SESTD1: variants seen among roughly 807,000 people sequenced by gnomAD.
SESTD1 encodes the protein SEC14 and spectrin domain containing 1.
Under a neutral mutation model 101.7 loss-of-function variants are expected in SESTD1, and 43 were observed. The observed-to-expected ratio is 0.42, with a 90% confidence interval of 0.33 to 0.55. SESTD1 has a LOEUF of 0.55. SESTD1 is among the 20% of genes least tolerant of loss of function. The pLI is 0.07. For synonymous variants in SESTD1, 283 were observed against 286.8 expected, an observed-to-expected ratio of 0.99 and a Z score of 0.13; for missense variants, 647 against 815.1, an observed-to-expected ratio of 0.79 and a Z score of 2.51.
At chr2:179,129,075 C>T (rs1233507953) in intron 10 of SESTD1, among the ~76,000 whole-genome samples, 3 of 152,100 alleles carry the variant, frequency 2.0e-5, no homozygotes, top group South Asian at 2.1e-4. Context: ...AGTGCCAACT[C>T]GGGTTAAAAA....
In SESTD1 at chr2:179,124,665, T is replaced by C. The variant is rs878926146; in HGVS notation, c.973-107A>G. On this transcript the variant is annotated intron_variant, in intron 10 of 17. Transcript: ENST00000428443. ...ACTAAGTAATACATGATTTTTTTTT[T>C]CTAAGGCAAAATTATTAAAATTGAG... is the stretch of plus-strand genomic sequence containing the variant. The C allele has an allele frequency of 5.0e-5, 47 of 946,012 alleles. No individual in the cohort carries two copies. The African/African-American group carries it at 5.0e-4, about 10-fold the overall frequency. The allele number at this position is 946,012 out of a possible 1,614,324, so 58.6% of individuals were successfully genotyped here.
At chr2:179,234,638 A>C (rs989261421) in intron 1 of SESTD1, among the ~76,000 whole-genome samples, 3 of 152,094 alleles carry the variant, frequency 2.0e-5, no homozygotes, top group Admixed American at 6.6e-5. Flanking sequence ...AGTATACATC[A>C]CCAGTAAAGG....
intron 1 of SESTD1, among the ~76,000 whole-genome samples, chr2:179,235,510 A>C (rs2047052815): frequency 6.6e-6 from 1 of 152,218 alleles, no homozygotes; most frequent in Non-Finnish European, 1.5e-5. Flanking sequence ...ACATATGTCC[A>C]AACCCACATA....
chr2:179,198,621 C>T (rs1199673964), intron 1 of SESTD1, among the ~76,000 whole-genome samples: 3 of 151,740 alleles, frequency 2.0e-5, no homozygotes, highest in Admixed American at 1.3e-4. Flanking sequence ...GACCACAGTG[C>T]AATCAAACTA....
chr2:179,124,443 C>A lies in SESTD1; in HGVS notation c.1088G>T (p.Cys363Phe). ...TTCCAGCTGACTGGCCTGTCGATAA[C>A]AAACATCACTAAGTTGTTGCTGCAG... is the stretch of plus-strand genomic sequence containing the variant. ...KSLQQQLSDVCYRQASQLEFR... is the reference protein window; with the variant it reads ...KSLQQQLSDVFYRQASQLEFR... Residue 363 changes from cysteine (C) to phenylalanine (F), a missense_variant, in exon 11 of 18, where the codon TGT becomes TTT. Cys to Phe is a radical substitution (Grantham distance 205). Transcript: ENST00000428443. The A allele has an allele frequency of 6.2e-7, 1 of 1,614,120 alleles. No homozygotes were observed. The highest frequency in any genetic ancestry group is 1.3e-5 in the African/African-American group (1 of 75,040).
At chr2:179,168,649 T>C (rs1335666127) in intron 5 of SESTD1, among the ~76,000 whole-genome samples, 5 of 152,124 alleles carry the variant, frequency 3.3e-5, no homozygotes. Context: ...TTAAAAGAAG[T>C]ACTTTAGGCA....
intron 15 of SESTD1, among the ~76,000 whole-genome samples, chr2:179,116,101 C>A (rs1428311332): frequency 6.6e-6 from 1 of 151,944 alleles, no homozygotes; most frequent in Non-Finnish European, 1.5e-5. Context: ...TGGTGAAACC[C>A]CATCTCTACT....
Position 179,221,403 on chromosome 2 carries a change from A to G in SESTD1, c.-25-29537T>C, listed in dbSNP as rs545968488. Among the ~76,000 whole-genome samples, 6 of 152,092 alleles carry G rather than the reference A, an allele frequency of 3.9e-5. No homozygotes were observed. In the East Asian group the frequency reaches 1.2e-3, roughly 30 times the overall value. Reference sequence around the variant, plus strand: ...CGAGGCAGGTGGATCACCTGAGGTCAGGCGTTCAAGACCAGCCTGGCCAAC... The same window carrying G: ...CGAGGCAGGTGGATCACCTGAGGTCGGGCGTTCAAGACCAGCCTGGCCAAC... On this transcript the variant is annotated intron_variant, in intron 1 of 17. Transcript: ENST00000428443.
intron 1 of SESTD1, among the ~76,000 whole-genome samples, chr2:179,249,832 C>G (rs1040482084): frequency 6.7e-6 from 1 of 149,434 alleles, no homozygotes; most frequent in Non-Finnish European, 1.5e-5. Flanking sequence ...AAAAACAACT[C>G]GATGGAGAAA....
At chr2:179,237,983 G>A (rs905241942) in intron 1 of SESTD1, among the ~76,000 whole-genome samples, 72 of 152,266 alleles carry the variant, frequency 4.7e-4, no homozygotes, top group Middle Eastern at 3.4e-3. Context: ...CAAAAACTCA[G>A]CTACTAAGAG....
At chr2:179,259,770 T>C (rs1054381915) in intron 1 of SESTD1, among the ~76,000 whole-genome samples, 4 of 152,232 alleles carry the variant, frequency 2.6e-5, no homozygotes, top group African/African-American at 9.6e-5. Flanking sequence ...ATCTATTACA[T>C]GCTAGAAACT....
intron 16 of SESTD1, 64 bp from the exon 17 acceptor site, chr2:179,112,909 C>T (rs1202125602): frequency 1.3e-6 from 2 of 1,493,556 alleles, no homozygotes; most frequent in Non-Finnish European, 1.8e-6. Context: ...TTCAGAGGAT[C>T]ACCCCACCCC....
chr2:179,147,488 A>G (rs2045421845), intron 7 of SESTD1, among the ~76,000 whole-genome samples: 1 of 151,842 alleles, frequency 6.6e-6, no homozygotes, highest in Admixed American at 6.6e-5. Context: ...CAGCCCCCTG[A>G]GTAGCTGGGA....
chr2:179,116,523 C>A (rs538469387), intron 15 of SESTD1, 145 bp downstream of exon 15: 4 of 1,306,614 alleles, frequency 3.1e-6, no homozygotes, highest in South Asian at 1.2e-5. Context: ...TTTTGATGCA[C>A]CAGCTGACAT....
At chr2:179,169,974 CAAA>C (rs35057148) in intron 5 of SESTD1, among the ~76,000 whole-genome samples, 1 of 81,988 alleles carries the variant, frequency 1.2e-5, no homozygotes, top group Non-Finnish European at 2.9e-5. Context: ...AACTCCATCT[CAAA>C]AAAAAAAAAA....
chr2:179,151,845 C>A (rs2045537144), intron 5 of SESTD1, among the ~76,000 whole-genome samples: 1 of 152,058 alleles, frequency 6.6e-6, no homozygotes, highest in Non-Finnish European at 1.5e-5. Flanking sequence ...ATAAACAAAA[C>A]AAGTCCTCCG....
chr2:179,178,438 A>G (rs2046048991), intron 3 of SESTD1, among the ~76,000 whole-genome samples: 2 of 152,154 alleles, frequency 1.3e-5, no homozygotes, highest in Non-Finnish European at 2.9e-5. Context: ...TGAGGCCAGC[A>G]TGGGAGACCA....
intron 2 of SESTD1, among the ~76,000 whole-genome samples, chr2:179,185,818 GTATAT>G (rs1191691904): frequency 2.4e-5 from 3 of 127,116 alleles, no homozygotes; most frequent in East Asian, 4.5e-4. Context: ...ATACAATATA[GTATAT>G]TATATATAAT....
At chr2:179,196,923 A>C (rs2046407346) in intron 1 of SESTD1, among the ~76,000 whole-genome samples, 1 of 152,266 alleles carries the variant, frequency 6.6e-6, no homozygotes, top group Non-Finnish European at 1.5e-5. Flanking sequence ...AAAGGAACGC[A>C]GTTCCTCAAC....
Sources: gnomAD v4.1 joint callset for allele counts (sites outside exome capture counted in the v4.1 genomes callset) on GRCh38, gnomAD v4.1.1 for gene constraint, MANE v1.5 for transcripts, NCBI Gene and HGNC (gene_info 2026-07-23, HGNC 2026-07-21) for gene names.